SFMBT2: variants seen among roughly 807,000 people sequenced by gnomAD.
SFMBT2 encodes the protein scm-like with four MBT domains protein 2.
A neutral mutation model predicts 110.1 loss-of-function variants in SFMBT2; 38 were observed. The observed-to-expected ratio is 0.35, with a 90% CI of 0.27 to 0.45. The LOEUF (loss-of-function observed/expected upper bound fraction) is 0.45. Ranked by LOEUF, SFMBT2 falls within the 20% of genes least tolerant of loss-of-function variation. SFMBT2 has a pLI of 1.00. For synonymous variants in SFMBT2, 425 were observed against 425.4 expected, an observed-to-expected ratio of 1.00 and a Z score of 0.01; for missense variants, 1,011 against 1,094.9, an observed-to-expected ratio of 0.92 and a Z score of 1.08.
At chr10:7,199,319 C>G (rs1302496127) in intron 14 of SFMBT2, among the ~76,000 whole-genome samples, 1 of 152,152 alleles carries the variant, frequency 6.6e-6, no homozygotes, top group Non-Finnish European at 1.5e-5. Context: ...TGAGGTTTCA[C>G]TTTTGGCTAA....
chr10:7,258,247 C>T (rs917151916), intron 7 of SFMBT2, among the ~76,000 whole-genome samples: 1 of 152,178 alleles, frequency 6.6e-6, no homozygotes, highest in Non-Finnish European at 1.5e-5. Context: ...GAACCACATT[C>T]TTAACCTGAG....
chr10:7,172,015 G>A lies in SFMBT2; in HGVS notation c.2295C>T (p.Ser765=), dbSNP rs751783339. Residue 765 remains serine (S), a synonymous_variant, in exon 19 of 21, where the codon AGC becomes AGT. Transcript: ENST00000397167. This position sits in a 1 kb window ranked among gnomAD's most constrained non-coding sequence, Gnocchi z 4.6. ...GTGGCCGGCGCACGGGCTCTGAGCCGCTCCGCAGGGTGACGGCCCTCCGGG... is the reference window on the plus strand; with the variant it reads ...GTGGCCGGCGCACGGGCTCTGAGCCACTCCGCAGGGTGACGGCCCTCCGGG... ...ARPRRAVTLR[S]GSEPVRRPPP... is the part of the protein sequence containing the mutation. The A allele has an allele frequency of 2.8e-5, 44 of 1,576,926 alleles. No individual in the cohort carries two copies. Among genetic ancestry groups the A allele is most frequent in the Middle Eastern group, 1.8e-4 (1 of 5,524 alleles).
intron 4 of SFMBT2, among the ~76,000 whole-genome samples, chr10:7,314,706 G>A (rs921910532): frequency 6.6e-6 from 1 of 152,052 alleles, no homozygotes; most frequent in Non-Finnish European, 1.5e-5. Flanking sequence ...TCAGGAGTTC[G>A]AGACCAGCCT....
chr10:7,374,639 C>T (rs980719145), intron 2 of SFMBT2, among the ~76,000 whole-genome samples: 6 of 152,096 alleles, frequency 3.9e-5, no homozygotes, highest in African/African-American at 1.4e-4. Context: ...ACTGTGTCTC[C>T]CCTGCAGGAA....
chr10:7,307,508 T>C (rs921089000), intron 4 of SFMBT2, among the ~76,000 whole-genome samples: 4 of 152,076 alleles, frequency 2.6e-5, no homozygotes, highest in African/African-American at 4.8e-5. Context: ...TGAAATGAAA[T>C]AGAGAAGTCA....
At chr10:7,349,264 T>G (rs937187956) in intron 4 of SFMBT2, among the ~76,000 whole-genome samples, 1 of 152,022 alleles carries the variant, frequency 6.6e-6, no homozygotes, top group African/African-American at 2.4e-5. Context: ...TGTGATGGAA[T>G]GCTCAGCACA....
At position 7,285,824 on chromosome 10, in the gene SFMBT2, G is replaced by C. The variant is rs377411205; in HGVS notation, c.525+42C>G. On this transcript the variant is annotated intron_variant, in intron 5 of 20. Transcript: ENST00000397167. The stretch of plus-strand genomic sequence containing the variant: ...GTCAGGTCTGAGCTCACGTAACTGG[G>C]GTGCTTCAGAGATACATTAGATGTA... The C allele has an allele frequency of 1.8e-5, 15 of 855,432 alleles. No individual in the cohort carries two copies. In the African/African-American group the frequency reaches 2.1e-4, roughly 12 times the overall value. 53.0% of individuals were successfully genotyped at this position (855,432 alleles called of 1,614,324 possible).
intron 17 of SFMBT2, among the ~76,000 whole-genome samples, chr10:7,175,238 G>C (rs927775762): frequency 1.3e-5 from 2 of 152,252 alleles, no homozygotes; most frequent in South Asian, 2.1e-4. Context: ...GTCAGAGGGA[G>C]AGAACAGGAC....
intron 7 of SFMBT2, among the ~76,000 whole-genome samples, chr10:7,253,610 C>T (rs1244685522): frequency 1.3e-5 from 2 of 152,178 alleles, no homozygotes; most frequent in African/African-American, 2.4e-5. Context: ...CCCTTAAACA[C>T]TCTTGTTTCA....
intron 9 of SFMBT2, 100 bp downstream of exon 9, chr10:7,243,458 T>C: frequency 1.3e-6 from 1 of 776,082 alleles, no homozygotes; most frequent in African/African-American, 1.7e-5. Context: ...CTAAACCCTT[T>C]ACACAACCAG....
At chr10:7,198,019 T>A in intron 14 of SFMBT2, 1 of 985,454 alleles carries the variant, frequency 1.0e-6, no homozygotes, top group Non-Finnish European at 1.2e-6. Context: ...TAATGATACC[T>A]TGGAAATTCT....
At chr10:7,231,722 C>A (rs543397738) in intron 9 of SFMBT2, among the ~76,000 whole-genome samples, 1 of 150,978 alleles carries the variant, frequency 6.6e-6, no homozygotes, top group Admixed American at 6.6e-5. Context: ...AACAATGTTG[C>A]TCATTTCCCT....
At position 7,164,828 on chromosome 10, in the gene SFMBT2, G is replaced by A. The variant is rs543083333; in HGVS notation, c.2545-918C>T. On this transcript the variant is annotated intron_variant, in intron 20 of 20. Transcript: ENST00000397167. The stretch of plus-strand genomic sequence containing the variant: ...CACACACTCCCCAGAGCGAGGTGTC[G>A]CTCGTACACAGATCTGTTGCCCCAC... Among the ~76,000 whole-genome samples the A allele has an allele frequency of 2.7e-4, 40 of 150,764 alleles. No homozygotes were observed. The South Asian group carries it at 4.6e-3, about 18-fold the overall frequency.
At chr10:7,194,381 G>A (rs1247047173) in intron 15 of SFMBT2, among the ~76,000 whole-genome samples, 1 of 152,128 alleles carries the variant, frequency 6.6e-6, no homozygotes, top group East Asian at 1.9e-4. Flanking sequence ...GGCCCACTCA[G>A]ACAGAACCCA....
chr10:7,291,309 G>C (rs907817807), intron 4 of SFMBT2, among the ~76,000 whole-genome samples: 6 of 152,176 alleles, frequency 3.9e-5, no homozygotes, highest in African/African-American at 1.4e-4. Flanking sequence ...TAAACACACA[G>C]GGTATTTCAT....
chr10:7,311,994 G>A (rs767599050), intron 4 of SFMBT2, among the ~76,000 whole-genome samples: 1 of 151,934 alleles, frequency 6.6e-6, no homozygotes, highest in African/African-American at 2.4e-5. Context: ...ACCAAACACC[G>A]CATGTTCTCA....
intron 1 of SFMBT2, among the ~76,000 whole-genome samples, chr10:7,393,689 G>A (rs1352958982): frequency 2.0e-5 from 3 of 152,152 alleles, no homozygotes; most frequent in African/African-American, 7.2e-5. Flanking sequence ...CTTTCCTTGT[G>A]GTTAGATGAA....
chr10:7,181,173 G>T (rs556560442), intron 16 of SFMBT2, among the ~76,000 whole-genome samples: 1 of 151,602 alleles, frequency 6.6e-6, no homozygotes, highest in Non-Finnish European at 1.5e-5. Flanking sequence ...CAGGAGGCGG[G>T]GGTTGCAGTT....
intron 4 of SFMBT2, among the ~76,000 whole-genome samples, chr10:7,336,984 T>C (rs939146137): frequency 1.3e-5 from 2 of 152,184 alleles, no homozygotes; most frequent in Admixed American, 6.5e-5. Context: ...GTATCAACTG[T>C]TGGAGTACTT....
Sources: gnomAD v4.1 joint callset for allele counts (sites outside exome capture counted in the v4.1 genomes callset) on GRCh38, gnomAD v4.1.1 for gene constraint, Gnocchi (gnomAD v3.1) non-coding constraint, MANE v1.5 for transcripts, NCBI Gene and HGNC (gene_info 2026-07-23, HGNC 2026-07-21) for gene names.